GAS2: variants seen among roughly 807,000 people sequenced by gnomAD.
GAS2 encodes the protein growth arrest specific 2, also known as growth arrest-specific protein 2.
Under a neutral mutation model 37.5 loss-of-function variants are expected in GAS2, and 20 were observed. The ratio of observed to expected loss-of-function variants is 0.53; its 90% CI spans 0.37 to 0.77. The LOEUF is 0.77. Among genes scored for constraint, GAS2 ranks in the 30% least tolerant of loss-of-function variants. The probability of loss-of-function intolerance (pLI) is 0.00; values close to 1 mark genes in which losing one functional copy is unlikely to be tolerated. For missense variants in GAS2, 336 were observed against 373.4 expected (o/e 0.90, Z 0.82); for synonymous variants, 144 against 132.2 (o/e 1.09, Z -0.61).
intron 3 of GAS2, among the ~76,000 whole-genome samples, chr11:22,718,753 C>T (rs1012811155): frequency 6.6e-6 from 1 of 151,922 alleles, no homozygotes; most frequent in Non-Finnish European, 1.5e-5. Context: ...GATAGGCTCA[C>T]CAATTGACTT....
chr11:22,649,106 A>G (rs995768483), intron 1 of GAS2, among the ~76,000 whole-genome samples: 1 of 152,016 alleles, frequency 6.6e-6, no homozygotes, highest in African/African-American at 2.4e-5. Context: ...TACCTAATTT[A>G]TTGAGAGTTT....
intron 3 of GAS2, among the ~76,000 whole-genome samples, chr11:22,689,462 C>T (rs545214820): frequency 9.9e-5 from 15 of 152,056 alleles, no homozygotes; most frequent in African/African-American, 3.1e-4. Flanking sequence ...ATAACTTGTG[C>T]CTTACTGTAT....
At position 22,805,204 on chromosome 11, in the gene GAS2, T is replaced by A. The variant is rs7107002; in HGVS notation, c.724-6594T>A. On this transcript the variant is annotated intron_variant, in intron 7 of 7. Transcript: ENST00000454584. ...TATCTTTTTTAAAAAAGAATTTATA[T>A]ATGGGTCCTCTTCTATTTACATATG... Among the ~76,000 whole-genome samples the A allele has an allele frequency of 7.4e-3, 1,123 of 152,222 alleles. 18 individuals are homozygous for A. The highest frequency in any genetic ancestry group is 0.026 in the African/African-American group (1,082 of 41,538).
intron 1 of GAS2, among the ~76,000 whole-genome samples, chr11:22,650,301 GTTCTT>G (rs1284684732): frequency 6.7e-6 from 1 of 150,324 alleles, no homozygotes; most frequent in Non-Finnish European, 1.5e-5. Flanking sequence ...TATAATTTCT[GTTCTT>G]TTACATTTGG....
At chr11:22,692,525 G>A (rs780125507) in intron 3 of GAS2, among the ~76,000 whole-genome samples, 5 of 152,292 alleles carry the variant, frequency 3.3e-5, no homozygotes, top group Middle Eastern at 3.4e-3. Context: ...AGGAAGACAC[G>A]AAGTAGGGAG....
intron 2 of GAS2, 75 bp from the exon 3 acceptor site, chr11:22,685,593 C>A: frequency 6.7e-7 from 1 of 1,483,020 alleles, no homozygotes; most frequent in Admixed American, 1.8e-5. Flanking sequence ...AGTGATAAAA[C>A]TGTGTCAAAT....
intron 7 of GAS2, among the ~76,000 whole-genome samples, chr11:22,789,656 G>T (rs545785276): frequency 6.7e-6 from 1 of 149,836 alleles, no homozygotes; most frequent in Non-Finnish European, 1.5e-5. Context: ...TAGTAGAGAC[G>T]GGGTTTCACC....
intron 1 of GAS2, chr11:22,667,149 T>C (rs770653118): frequency 6.6e-6 from 1 of 152,286 alleles, no homozygotes; most frequent in Admixed American, 6.5e-5. Context: ...GAAACAACCA[T>C]GTGTTCCTTA....
chr11:22,760,017 G>T (rs1854286973), intron 7 of GAS2, among the ~76,000 whole-genome samples: 1 of 152,188 alleles, frequency 6.6e-6, no homozygotes, highest in Non-Finnish European at 1.5e-5. Context: ...AAGTTGGAGT[G>T]CAGTGCTGCG....
At chr11:22,741,886 G>C (rs370303953) in intron 5 of GAS2, among the ~76,000 whole-genome samples, 38 of 152,162 alleles carry the variant, frequency 2.5e-4, no homozygotes, top group African/African-American at 8.7e-4. Flanking sequence ...TCTCGCACTA[G>C]GCTGTAAAAT....
At chr11:22,789,253 A>T (rs1590132632) in intron 7 of GAS2, among the ~76,000 whole-genome samples, 1 of 140,442 alleles carries the variant, frequency 7.1e-6, no homozygotes, top group Admixed American at 7.3e-5. Context: ...GAAAAAGTTC[A>T]ATTTCCTGGG....
chr11:22,755,770 C>G, intron 6 of GAS2, 76 bp from the exon 7 acceptor site: 1 of 967,054 alleles, frequency 1.0e-6, no homozygotes, highest in Non-Finnish European at 1.6e-6. Context: ...GTTCAGGGGC[C>G]GTGGAGTCCT....
chr11:22,632,048 A>G (rs1190418449), intron 1 of GAS2, among the ~76,000 whole-genome samples: 1 of 148,220 alleles, frequency 6.7e-6, no homozygotes, highest in Non-Finnish European at 1.5e-5. Flanking sequence ...GATTCAATCT[A>G]GGAGGGTTGT....
At chr11:22,717,326 A>T (rs753673194) in intron 3 of GAS2, among the ~76,000 whole-genome samples, 1 of 152,114 alleles carries the variant, frequency 6.6e-6, no homozygotes, top group South Asian at 2.1e-4. Context: ...AAAATATATA[A>T]CCCATAAATA....
chr11:22,776,404 A>G (rs1440024450), intron 7 of GAS2, among the ~76,000 whole-genome samples: 1 of 152,202 alleles, frequency 6.6e-6, no homozygotes, highest in African/African-American at 2.4e-5. Context: ...CTGACCCCTG[A>G]CATTGATCAC....
At chr11:22,632,450 A>T (rs1858756711) in intron 1 of GAS2, among the ~76,000 whole-genome samples, 1 of 152,022 alleles carries the variant, frequency 6.6e-6, no homozygotes, top group Non-Finnish European at 1.5e-5. Context: ...CTTGTAGGTT[A>T]CCTGATGCTT....
At chr11:22,716,634 T>A (rs1330742375) in intron 3 of GAS2, among the ~76,000 whole-genome samples, 1 of 125,932 alleles carries the variant, frequency 7.9e-6, no homozygotes, top group East Asian at 2.3e-4. Flanking sequence ...ACACAGTAAG[T>A]CTCTGTCTCA....
chr11:22,743,707 G>T (rs892907533), intron 5 of GAS2, among the ~76,000 whole-genome samples: 1 of 151,902 alleles, frequency 6.6e-6, no homozygotes, highest in Non-Finnish European at 1.5e-5. Flanking sequence ...TAAGTGATTT[G>T]TGAAATTTTA....
chr11:22,719,597 A>T (rs1789919226), intron 3 of GAS2, among the ~76,000 whole-genome samples: 1 of 152,072 alleles, frequency 6.6e-6, no homozygotes, highest in Non-Finnish European at 1.5e-5. Flanking sequence ...AGTTTCACTG[A>T]CCTAACAATT....
Sources: gnomAD v4.1 joint callset for allele counts (sites outside exome capture counted in the v4.1 genomes callset) on GRCh38, gnomAD v4.1.1 for gene constraint, MANE v1.5 for transcripts, NCBI Gene and HGNC (gene_info 2026-07-23, HGNC 2026-07-21) for gene names.